PANK3: variants seen among roughly 807,000 people sequenced by gnomAD.
PANK3 encodes the protein hPanK3.
Under a neutral mutation model 39.4 loss-of-function variants are expected in PANK3, and 20 were observed. The observed-to-expected ratio is 0.51, with a 90% CI of 0.36 to 0.74. The LOEUF is 0.74. Ranked by LOEUF, PANK3 falls within the 30% of genes least tolerant of loss-of-function variation. PANK3 has a pLI of 0.00. For missense variants in PANK3, 265 were observed against 437.0 expected, an observed-to-expected ratio of 0.61 and a Z score of 3.51; for synonymous variants, 140 against 157.3, an observed-to-expected ratio of 0.89 and a Z score of 0.82.
At chr5:168,565,926 T>C in intron 3 of PANK3, 87 bp downstream of exon 3, 1 of 1,109,358 alleles carries the variant, frequency 9.0e-7, no homozygotes, top group East Asian at 2.6e-5. Context: ...GCTCTTTTAC[T>C]GGTGAAAATG....
In PANK3 at chr5:168,574,883, A is replaced by G. The variant is rs1306523392; in HGVS notation, c.28+4373T>C. ...TCTCAAAAAAAAAGAGAAAAATACC[A>G]GTTTCCTAGGAAATCAAGCAAGTAT... On this transcript the variant is annotated intron_variant, in intron 1 of 6. Transcript: ENST00000239231. 2.7e-5 allele frequency among the ~76,000 whole-genome samples: 4 copies of G among 149,070 alleles called. No homozygotes were observed. In the East Asian group the frequency reaches 7.7e-4, roughly 29 times the overall value.
intron 3 of PANK3, among the ~76,000 whole-genome samples, chr5:168,565,612 A>C (rs1233730740): frequency 6.6e-6 from 1 of 151,936 alleles, no homozygotes; most frequent in African/African-American, 2.4e-5. Flanking sequence ...ACGTTACCAG[A>C]CTCATTCTAG....
intron 1 of PANK3, among the ~76,000 whole-genome samples, chr5:168,573,926 A>C (rs1486491695): frequency 6.6e-6 from 1 of 152,144 alleles, no homozygotes; most frequent in Non-Finnish European, 1.5e-5. Context: ...ATTGTTGGAC[A>C]CTTGGGTTGG....
chr5:168,572,459 T>G (rs567968546), intron 1 of PANK3, among the ~76,000 whole-genome samples: 140 of 151,978 alleles, frequency 9.2e-4, no homozygotes, highest in Non-Finnish European at 1.6e-3. Flanking sequence ...TTATAGGTTT[T>G]GGGATAGGCA....
chr5:168,566,767 A>C (rs1399044633), intron 2 of PANK3, among the ~76,000 whole-genome samples: 1 of 152,232 alleles, frequency 6.6e-6, no homozygotes, highest in African/African-American at 2.4e-5. Flanking sequence ...TTTTTGAGAC[A>C]GAGTCTAGCT....
In PANK3 at chr5:168,566,238, T is replaced by C. The variant is rs1244196548; in HGVS notation, c.410A>G (p.Asp137Gly). The stretch of plus-strand genomic sequence containing the variant: ...GCCCTTTACAAGGCAGTCAAGTTCA[T>C]CCAGTTTGTGCAGGTGGAGGTTTCC... ...TIGNLHLHKL[D>G]ELDCLVKGLL... The change falls in exon 3 of 7, where the codon GAT becomes GGT. Residue 137 changes from aspartate (D) to glycine (G), a missense_variant. Around this residue, in one of 3 missense-constraint regions of PANK3, gnomAD observed 154 missense variants for 256.8 expected, o/e 0.60. Coordinates refer to ENST00000239231, the MANE Select transcript of PANK3 (RefSeq NM_024594.4). The C allele has an allele frequency of 4.4e-6, 7 of 1,607,562 alleles. No homozygotes were observed. The highest frequency in any genetic ancestry group is 6.0e-6 in the Non-Finnish European group (7 of 1,174,762).
At position 168,552,953 on chromosome 5, in the gene PANK3, A is replaced by T. The variant is rs150969721; in HGVS notation, c.*4618T>A. 1.9e-3 allele frequency: 397 copies of T among 206,468 alleles called. 1 individual carries two copies. Among genetic ancestry groups the T allele is most frequent in the African/African-American group, 8.7e-3 (374 of 42,836 alleles). 12.8% of individuals were successfully genotyped at this position (206,468 alleles called of 1,614,324 possible). On this transcript the variant is annotated 3_prime_UTR_variant, in exon 7 of 7. Coordinates refer to ENST00000239231, the MANE Select transcript of PANK3 (RefSeq NM_024594.4). Reference sequence around the variant, plus strand: ...GGTTGTTGGTAGCTGGGTACTCTAAAGAGCGCCAGTGTAGTGACTTGCTTT... The same window carrying T: ...GGTTGTTGGTAGCTGGGTACTCTAATGAGCGCCAGTGTAGTGACTTGCTTT...
intron 3 of PANK3, among the ~76,000 whole-genome samples, 170 bp downstream of exon 3, chr5:168,565,841 GGC>G (rs1759513847): frequency 1.7e-5 from 2 of 120,738 alleles, no homozygotes; most frequent in African/African-American, 6.3e-5. Flanking sequence ...TGGGCAACAT[GGC>G]ACCCTCTTTC....
chr5:168,569,995 AG>A (rs1393098114), intron 1 of PANK3, among the ~76,000 whole-genome samples: 2 of 152,078 alleles, frequency 1.3e-5, no homozygotes, highest in African/African-American at 2.4e-5. Flanking sequence ...GGCTGCGGTG[AG>A]CCATGTTTGC....
chr5:168,571,338 G>C (rs1198416695), intron 1 of PANK3, among the ~76,000 whole-genome samples: 1 of 152,120 alleles, frequency 6.6e-6, no homozygotes, highest in African/African-American at 2.4e-5. Flanking sequence ...CATTTACTGA[G>C]TGCTCACTAC....
In PANK3 at chr5:168,550,766, AT is replaced by A. The variant is rs1235938714; in HGVS notation, c.*6804del. The A allele has an allele frequency of 6.6e-6, 1 of 150,688 alleles. No homozygotes were observed. The highest frequency in any genetic ancestry group is 2.4e-5 in the African/African-American group (1 of 41,368). The allele number at this position is 150,688 out of a possible 1,614,324, so 9.3% of individuals were successfully genotyped here. On this transcript the variant is annotated 3_prime_UTR_variant, in exon 7 of 7. Coordinates refer to ENST00000239231, the MANE Select transcript of PANK3 (RefSeq NM_024594.4). The stretch of plus-strand genomic sequence containing the variant: ...TACTTTAGTTATCTCAAACACAGCC[AT>A]GAATGAAGCAATTTTCTCAGGACCC...
At chr5:168,564,161 C>G in intron 3 of PANK3, 96 bp from the exon 4 acceptor site, 1 of 1,094,222 alleles carries the variant, frequency 9.1e-7, no homozygotes, top group South Asian at 2.6e-5. Context: ...AATGAACACA[C>G]AGAAAAAAAA....
intron 1 of PANK3, among the ~76,000 whole-genome samples, chr5:168,579,007 G>A (rs1342057516): frequency 6.6e-6 from 1 of 152,224 alleles, no homozygotes; most frequent in African/African-American, 2.4e-5. Flanking sequence ...ATTCCCTCTG[G>A]CACCTCCCAG....
rs1759268136 is a variant in PANK3 at position 168,551,200 on chromosome 5, T to C, written c.*6371A>G. The C allele has an allele frequency of 6.6e-6, 1 of 152,168 alleles. No homozygotes were observed. Among genetic ancestry groups the C allele is most frequent in the Non-Finnish European group, 1.5e-5 (1 of 68,012 alleles). 9.4% of individuals were successfully genotyped at this position (152,168 alleles called of 1,614,324 possible). A position where few individuals can be genotyped will look rare whatever the true frequency, so the allele number is the denominator to read the frequency against. On this transcript the variant is annotated 3_prime_UTR_variant, in exon 7 of 7. Transcript: ENST00000239231. ...AGGCAGTAATATAGATAAAACACAC[T>C]ATTTTCTGAGATTATCTGATGATAG...
chr5:168,564,209 A>G, intron 3 of PANK3, 144 bp from the exon 4 acceptor site: 2 of 704,278 alleles, frequency 2.8e-6, no homozygotes, highest in Non-Finnish European at 4.3e-6. Flanking sequence ...AACATAACGA[A>G]GGCAACAAAA....
In PANK3 at chr5:168,553,443, C is replaced by T; in HGVS notation, c.*4128G>A. 2 of 407,304 alleles carry T rather than the reference C, an allele frequency of 4.9e-6. No individual in the cohort carries two copies. Among genetic ancestry groups the T allele is most frequent in the South Asian group, 1.9e-5 (1 of 52,050 alleles). 25.2% of individuals were successfully genotyped at this position (407,304 alleles called of 1,614,324 possible). On this transcript the variant is annotated 3_prime_UTR_variant, in exon 7 of 7. Coordinates refer to ENST00000239231, the MANE Select transcript of PANK3 (RefSeq NM_024594.4). ...ACAAATTATGATAAGCATTGAACTG[C>T]ACCTGCCAAAGTGGTTGACAAAGAG...
rs1293432462 is a variant in PANK3, at chr5:168,549,747, T to C, written c.*7824A>G. ...AATCCCAGTATCAGCTCATAGTACA[T>C]TCATTCGTTCATTCATTCATTCATT... On this transcript the variant is annotated 3_prime_UTR_variant, in exon 7 of 7. Transcript: ENST00000239231. 3 of 152,156 alleles carry C rather than the reference T, an allele frequency of 2.0e-5. No individual in the cohort carries two copies. The highest frequency in any genetic ancestry group is 2.0e-4 in the Admixed American group (3 of 15,270). 9.4% of individuals were successfully genotyped at this position (152,156 alleles called of 1,614,324 possible).
At chr5:168,576,211 A>C (rs565949346) in intron 1 of PANK3, among the ~76,000 whole-genome samples, 1 of 152,238 alleles carries the variant, frequency 6.6e-6, no homozygotes, top group Non-Finnish European at 1.5e-5. Context: ...CAACAGGCCA[A>C]TCAAATTACA....
At chr5:168,559,985 A>T (rs1759417272) in intron 5 of PANK3, among the ~76,000 whole-genome samples, 2 of 152,200 alleles carry the variant, frequency 1.3e-5, no homozygotes, top group East Asian at 3.9e-4. Context: ...ACAAAGGGGA[A>T]CTGGTGTTTG....
Sources: allele counts gnomAD v4.1 joint callset (sites outside exome capture counted in the v4.1 genomes callset), GRCh38; gene constraint gnomAD v4.1.1; regional missense constraint gnomAD v4.1.1; transcripts MANE v1.5; gene names NCBI Gene and HGNC (gene_info 2026-07-23, HGNC 2026-07-21).